Variants in MEGF11 observed in about 807,000 individuals in gnomAD.
MEGF11 encodes the protein multiple EGF like domains 11, also known as multiple epidermal growth factor-like domains protein 11.
MEGF11 carries 126 observed loss-of-function variants against 146.6 expected under a neutral mutation model. That is an observed-to-expected ratio of 0.86 (90% CI 0.74 to 1.00). MEGF11 has a LOEUF of 1.00. MEGF11 is among the 50% of genes least tolerant of loss of function. MEGF11 has a pLI of 0.00. For missense variants in MEGF11, 1,509 were observed against 1,521.2 expected (o/e 0.99, Z 0.13); for synonymous variants, 532 against 583.4 (o/e 0.91, Z 1.27).
chr15:66,219,268 GAC>G (rs1277629778), intron 1 of MEGF11, among the ~76,000 whole-genome samples: 3 of 152,158 alleles, frequency 2.0e-5, no homozygotes, highest in African/African-American at 7.2e-5. Flanking sequence ...AGAATGAAAA[GAC>G]ACTCTACAGA....
intron 17 of MEGF11, 84 bp from the exon 18 acceptor site, chr15:65,916,360 T>G: frequency 6.8e-7 from 1 of 1,464,544 alleles, no homozygotes; most frequent in Non-Finnish European, 9.1e-7. Context: ...GTCTTCTGTC[T>G]CTTTTTTTGC....
At chr15:66,192,683 T>C (rs2141196955) in intron 1 of MEGF11, among the ~76,000 whole-genome samples, 1 of 152,124 alleles carries the variant, frequency 6.6e-6, no homozygotes, top group Admixed American at 6.5e-5. Flanking sequence ...CACCACTATA[T>C]ACAATACTAG....
At chr15:65,989,631 A>C (rs760046860) in intron 5 of MEGF11, among the ~76,000 whole-genome samples, 1 of 152,228 alleles carries the variant, frequency 6.6e-6, no homozygotes, top group African/African-American at 2.4e-5. Context: ...AGTAAAAGCA[A>C]AGTCAAGTTC....
At chr15:66,111,877 G>A (rs2087432946) in intron 4 of MEGF11, among the ~76,000 whole-genome samples, 2 of 152,226 alleles carry the variant, frequency 1.3e-5, no homozygotes, top group South Asian at 4.1e-4. Flanking sequence ...TATGGTATGT[G>A]AAATTCACAT....
chr15:66,067,624 T>C (rs2085189905), intron 5 of MEGF11, among the ~76,000 whole-genome samples: 1 of 152,236 alleles, frequency 6.6e-6, no homozygotes, highest in Non-Finnish European at 1.5e-5. Flanking sequence ...GAAGCTCCTT[T>C]TCTGCTCACT....
At chr15:66,149,588 C>T (rs2089490861) in intron 1 of MEGF11, among the ~76,000 whole-genome samples, 1 of 152,180 alleles carries the variant, frequency 6.6e-6, no homozygotes, top group African/African-American at 2.4e-5. Flanking sequence ...AGACCTCACT[C>T]TTCCCCCATC....
chr15:65,929,743 C>CT lies in MEGF11; in HGVS notation c.1548dup (p.Asp517ArgfsTer4). The stretch of plus-strand genomic sequence containing the variant: ...ACCGGGCAAGGCAGCTCACAGGTGT[C>CT]TCCCAGCCAGCCAGGAGTGCAGGAG... On this transcript the variant is annotated frameshift_variant, in exon 12 of 26. Transcript: ENST00000395614. LOFTEE classifies it high-confidence loss of function. 3 of 1,552,222 alleles carry CT rather than the reference C, an allele frequency of 1.9e-6. No homozygotes were observed. The highest frequency in any genetic ancestry group is 2.6e-6 in the Non-Finnish European group (3 of 1,147,356).
At chr15:66,106,889 C>T (rs1432687895) in intron 4 of MEGF11, among the ~76,000 whole-genome samples, 1 of 152,118 alleles carries the variant, frequency 6.6e-6, no homozygotes, top group Non-Finnish European at 1.5e-5. Flanking sequence ...TTAAAATATT[C>T]CTCTTCTCAT....
intron 5 of MEGF11, among the ~76,000 whole-genome samples, chr15:66,072,398 A>G (rs2085405338): frequency 6.6e-6 from 1 of 151,748 alleles, no homozygotes; most frequent in South Asian, 2.1e-4. Flanking sequence ...TTAACCCATC[A>G]CGCCCTTTTA....
Position 66,128,361 on chromosome 15 carries a change from G to A in MEGF11, c.43C>T (p.Gln15Ter). The A allele has an allele frequency of 6.6e-7, 1 of 1,525,242 alleles. No individual in the cohort carries two copies. Among genetic ancestry groups the A allele is most frequent in the South Asian group, 1.2e-5 (1 of 80,050 alleles). 94.5% of individuals were successfully genotyped at this position (1,525,242 alleles called of 1,614,324 possible). ...TCGGGGTTCAGGGCAAGGGTGGCTT[G>A]CAGGAAGGAGAAGGCAATGAGCCCC... ...LTGLIAFSFL[Q>*]ATLALNPEDP... Residue 15 changes from glutamine to a stop codon, truncating the protein, a stop_gained, in exon 2 of 26, where the codon CAA becomes TAA. Transcript: ENST00000395614. LOFTEE classifies it high-confidence loss of function.
At position 66,201,702 on chromosome 15, in the gene MEGF11, G is replaced by A. The variant is rs952224613; in HGVS notation, c.-9+51903C>T. ...TGTAATACCAGCACTTTGGGAGGCC[G>A]AGGCAGGTGGATCACAAAGTCAGGA... is the stretch of plus-strand genomic sequence containing the variant. On this transcript the variant is annotated intron_variant, in intron 1 of 25. Transcript: ENST00000395614. Among the ~76,000 whole-genome samples, 8 of 150,934 alleles carry A rather than the reference G, an allele frequency of 5.3e-5. No individual in the cohort carries two copies. The East Asian group carries it at 5.9e-4, about 11-fold the overall frequency.
intron 5 of MEGF11, among the ~76,000 whole-genome samples, chr15:66,036,539 G>A (rs575654900): frequency 2.0e-5 from 3 of 152,308 alleles, no homozygotes; most frequent in South Asian, 2.1e-4. Flanking sequence ...ACACAGTGCT[G>A]CACTGAGCAT....
chr15:66,143,416 G>A (rs946272046), intron 1 of MEGF11, among the ~76,000 whole-genome samples: 1 of 152,168 alleles, frequency 6.6e-6, no homozygotes, highest in African/African-American at 2.4e-5. Flanking sequence ...GAATCCACCA[G>A]CCCCTCAGTC....
intron 5 of MEGF11, among the ~76,000 whole-genome samples, chr15:66,060,591 T>G (rs922173227): frequency 1.3e-5 from 2 of 152,138 alleles, no homozygotes; most frequent in Non-Finnish European, 2.9e-5. Flanking sequence ...AAGTGTACCC[T>G]CCAGGCAAAT....
At chr15:65,999,329 C>T (rs1197350469) in intron 5 of MEGF11, among the ~76,000 whole-genome samples, 8 of 152,088 alleles carry the variant, frequency 5.3e-5, no homozygotes, top group Non-Finnish European at 8.8e-5. Context: ...TGCACCTGCC[C>T]GGTATCACTT....
intron 1 of MEGF11, among the ~76,000 whole-genome samples, chr15:66,149,591 C>T (rs2089490968): frequency 6.6e-6 from 1 of 152,160 alleles, no homozygotes. Context: ...CCTCACTCTT[C>T]CCCCATCTCC....
intron 1 of MEGF11, among the ~76,000 whole-genome samples, chr15:66,176,120 A>G (rs1257984143): frequency 6.6e-6 from 1 of 152,226 alleles, no homozygotes; most frequent in Non-Finnish European, 1.5e-5. Flanking sequence ...ATGAGATGTC[A>G]TCTCACCCCA....
chr15:65,980,395 C>CTTTTTTTTTTTTTTTTTT (rs60154748), intron 7 of MEGF11, among the ~76,000 whole-genome samples: 1 of 88,184 alleles, frequency 1.1e-5, no homozygotes, highest in African/African-American at 5.0e-5. Flanking sequence ...AAGAATTCAG[C>CTTTTTTTTTTTTTTTTTT]TTTTTTTTTT....
In MEGF11 at chr15:65,989,547, C is replaced by T. The variant is rs534704181; in HGVS notation, c.395-7059G>A. ...AGGGAGGCAGAGATGGAGCAGCAGC[C>T]GCCGGAAACCATTCCAGCTGATAAA... On this transcript the variant is annotated intron_variant, in intron 5 of 25. Coordinates refer to ENST00000395614, the MANE Select transcript of MEGF11 (RefSeq NM_001385028.1). 7.2e-5 allele frequency among the ~76,000 whole-genome samples: 11 copies of T among 152,320 alleles called. No homozygotes were observed. In the East Asian group the frequency reaches 9.7e-4, roughly 13 times the overall value.
Sources: allele counts gnomAD v4.1 joint callset (sites outside exome capture counted in the v4.1 genomes callset), GRCh38; gene constraint gnomAD v4.1.1; transcripts MANE v1.5; gene names NCBI Gene and HGNC (gene_info 2026-07-23, HGNC 2026-07-21).